Variants in COL4A3 observed in about 807,000 individuals in gnomAD.
COL4A3 encodes collagen alpha-3(IV) chain.
Under a neutral mutation model 217.4 loss-of-function variants are expected in COL4A3, and 135 were observed. The ratio of observed to expected loss-of-function variants is 0.62; its 90% CI spans 0.54 to 0.72. The LOEUF is 0.72. Ranked by LOEUF, COL4A3 falls within the 30% of genes least tolerant of loss-of-function variation. COL4A3 has a pLI of 0.00. For missense variants in COL4A3, 1,868 were observed against 2,119.9 expected (o/e 0.88, Z 2.33); for synonymous variants, 690 against 736.3 (o/e 0.94, Z 1.02).
At chr2:227,183,169 T>C (rs2125677827) in intron 1 of COL4A3, among the ~76,000 whole-genome samples, 1 of 152,318 alleles carries the variant, frequency 6.6e-6, no homozygotes, top group South Asian at 2.1e-4. Flanking sequence ...AGACAGTACT[T>C]TTTGTTTCTA....
At position 227,281,005 on chromosome 2, in the gene COL4A3, A is replaced by G; in HGVS notation, c.2487A>G (p.Gln829=). The G allele has an allele frequency of 1.9e-6, 3 of 1,550,600 alleles. No individual in the cohort carries two copies. The highest frequency in any genetic ancestry group is 2.6e-6 in the Non-Finnish European group (3 of 1,144,346). ...LPGLNGLKGQ[Q]GRRGKTGPKG... is the part of the protein sequence containing the mutation. Reference sequence around the variant, plus strand: ...GCTTAAATGGATTGAAAGGGCAACAAGGTAGGAGGAGGGCCTCAAAACTGG... The same window carrying G: ...GCTTAAATGGATTGAAAGGGCAACAGGGTAGGAGGAGGGCCTCAAAACTGG... The change falls in exon 31 of 52, where the codon CAA becomes CAG. Residue 829 remains glutamine, a splice_region_variant and synonymous_variant. Coordinates refer to ENST00000396578, the MANE Select transcript of COL4A3 (RefSeq NM_000091.5).
chr2:227,277,004 C>T (rs920300367), intron 27 of COL4A3, among the ~76,000 whole-genome samples: 1 of 152,044 alleles, frequency 6.6e-6, no homozygotes, highest in African/African-American at 2.4e-5. Context: ...GGAGGGGGAG[C>T]ATATGATTGG....
chr2:227,178,391 AAAAG>A (rs1055538609), intron 1 of COL4A3, among the ~76,000 whole-genome samples: 15 of 152,172 alleles, frequency 9.9e-5, no homozygotes, highest in Admixed American at 2.0e-4. Flanking sequence ...CAAAAAAAGA[AAAAG>A]AAAAGAAAAA....
In COL4A3 at chr2:227,256,013, G is replaced by T; in HGVS notation, c.889-13G>T. 6.2e-7 allele frequency: 1 copy of T among 1,613,396 alleles called. No individual in the cohort carries two copies. Among genetic ancestry groups the T allele is most frequent in the Non-Finnish European group, 8.5e-7 (1 of 1,179,516 alleles). The stretch of plus-strand genomic sequence containing the variant: ...TTATTACATTTCATGTTTTTGATTT[G>T]TTTTTGCTGTAGGGAAAACCCGGAA... On this transcript the variant is annotated splice_polypyrimidine_tract_variant and intron_variant, in intron 15 of 51. Coordinates refer to ENST00000396578, the MANE Select transcript of COL4A3 (RefSeq NM_000091.5).
chr2:227,169,932 G>A (rs1030711793), intron 1 of COL4A3, among the ~76,000 whole-genome samples: 4 of 152,014 alleles, frequency 2.6e-5, no homozygotes, highest in African/African-American at 9.7e-5. Flanking sequence ...ATCTATGTCT[G>A]GTAGGACAAG....
intron 1 of COL4A3, among the ~76,000 whole-genome samples, chr2:227,215,705 C>T (rs890765260): frequency 5.3e-5 from 8 of 152,184 alleles, no homozygotes; most frequent in South Asian, 2.1e-4. Context: ...GTGATCCACC[C>T]GCCTCGGCCT....
At chr2:227,248,168 G>C (rs1162346914) in intron 8 of COL4A3, among the ~76,000 whole-genome samples, 2 of 152,144 alleles carry the variant, frequency 1.3e-5, no homozygotes, top group Non-Finnish European at 2.9e-5. Context: ...TTGAACTCCT[G>C]ACCTCGGGTG....
At chr2:227,279,495 T>G in intron 28 of COL4A3, 1 of 381,364 alleles carries the variant, frequency 2.6e-6, no homozygotes, top group Non-Finnish European at 4.8e-6. Flanking sequence ...GTACACTGTA[T>G]GTAAAAAATA....
intron 20 of COL4A3, 136 bp downstream of exon 20, chr2:227,261,253 A>C: frequency 1.3e-6 from 1 of 792,804 alleles, no homozygotes; most frequent in South Asian, 1.9e-5. Context: ...GGCTGGGTTC[A>C]ATGGCTCACG....
chr2:227,173,789 G>A (rs2065577617), intron 1 of COL4A3, among the ~76,000 whole-genome samples: 1 of 152,168 alleles, frequency 6.6e-6, no homozygotes, highest in African/African-American at 2.4e-5. Context: ...AAACATTAAT[G>A]AGATATTTTA....
chr2:227,237,697 C>A, intron 1 of COL4A3: 1 of 331,202 alleles, frequency 3.0e-6, no homozygotes, highest in South Asian at 2.8e-5. Flanking sequence ...CAAAAACGGC[C>A]ATTACTTTAA....
intron 1 of COL4A3, among the ~76,000 whole-genome samples, chr2:227,194,835 A>C (rs904437664): frequency 3.3e-5 from 5 of 152,334 alleles, no homozygotes; most frequent in South Asian, 2.1e-4. Flanking sequence ...AAAGAAAAAT[A>C]GAAACACCAC....
intron 2 of COL4A3, among the ~76,000 whole-genome samples, chr2:227,239,525 T>G (rs2068895408): frequency 6.6e-6 from 1 of 152,178 alleles, no homozygotes; most frequent in South Asian, 2.1e-4. Context: ...CTTAAAGTAC[T>G]TTCACTCACT....
Position 227,169,526 on chromosome 2 carries a change from A to T in COL4A3, c.87+4713A>T, listed in dbSNP as rs1181990240. On this transcript the variant is annotated intron_variant, in intron 1 of 51. Coordinates refer to ENST00000396578, the MANE Select transcript of COL4A3 (RefSeq NM_000091.5). ...CCACCAACAGTGTAAAAGTGTTCCT[A>T]TTTCTCCACATCCTCTCCAGCACCT... Among the ~76,000 whole-genome samples the T allele has an allele frequency of 2.0e-5, 3 of 151,648 alleles. No homozygotes were observed. In the East Asian group the frequency reaches 5.8e-4, roughly 29 times the overall value.
intron 5 of COL4A3, chr2:227,245,659 C>A: frequency 2.2e-6 from 1 of 464,530 alleles, no homozygotes; most frequent in Non-Finnish European, 3.9e-6. Context: ...CTTCTTTTTC[C>A]CTTCCTTTCT....
chr2:227,304,829 T>G (rs1007949401), intron 46 of COL4A3, among the ~76,000 whole-genome samples, 156 bp from the exon 47 acceptor site: 3 of 152,210 alleles, frequency 2.0e-5, no homozygotes, highest in African/African-American at 4.8e-5. Context: ...ACAAGTTAGG[T>G]GACTAATCAT....
At chr2:227,286,144 G>A (rs1414352294) in intron 34 of COL4A3, among the ~76,000 whole-genome samples, 1 of 152,188 alleles carries the variant, frequency 6.6e-6, no homozygotes, top group Non-Finnish European at 1.5e-5. Flanking sequence ...CATTTACCAT[G>A]TGCAGGTACT....
chr2:227,210,677 G>A (rs1391232001), intron 1 of COL4A3, among the ~76,000 whole-genome samples: 2 of 152,224 alleles, frequency 1.3e-5, no homozygotes, highest in African/African-American at 2.4e-5. Context: ...ACACATATGC[G>A]TTAAGATAAA....
intron 51 of COL4A3, among the ~76,000 whole-genome samples, chr2:227,311,157 C>A (rs1372253795): frequency 6.6e-6 from 1 of 152,118 alleles, no homozygotes; most frequent in Non-Finnish European, 1.5e-5. Flanking sequence ...GATCTCTCAT[C>A]TGAATTTACT....
Sources: allele counts gnomAD v4.1 joint callset (sites outside exome capture counted in the v4.1 genomes callset), GRCh38; gene constraint gnomAD v4.1.1; transcripts MANE v1.5; gene names NCBI Gene and HGNC (gene_info 2026-07-23, HGNC 2026-07-21).